Variants in THTPA observed in about 807,000 individuals in gnomAD.
THTPA encodes the protein thiamine-triphosphatase.
In THTPA, 16 loss-of-function variants were observed where a neutral mutation model predicts 16.5. That is an observed-to-expected ratio of 0.97 (90% confidence interval 0.66 to 1.47). The LOEUF (loss-of-function observed/expected upper bound fraction) is 1.47, where lower values mean the gene tolerates loss of function less well. Among genes scored for constraint, THTPA ranks in the 40% most tolerant of loss-of-function variants. THTPA has a pLI of 0.00. For synonymous variants in THTPA, 110 were observed against 115.5 expected (o/e 0.95, Z 0.30); for missense variants, 281 against 280.9 (o/e 1.00, Z 0.00).
the THTPA span, among the ~76,000 whole-genome samples, chr14:23,547,269 C>T: frequency 4.9e-4 from 75 of 152,326 alleles, no homozygotes; most frequent in Non-Finnish European, 1.0e-3. Flanking sequence ...ATGCTGCCTT[C>T]GTTGTATTAA....
At chr14:23,531,285 C>A in the THTPA span, 1 of 769,008 alleles carries the variant, frequency 1.3e-6, no homozygotes, top group Admixed American at 4.2e-5. Context: ...CTTCTTTGCC[C>A]CTCCACTCAA....
At chr14:23,534,196 T>G in the THTPA span, 1 of 1,483,856 alleles carries the variant, frequency 6.7e-7, no homozygotes. This position sits in a 1 kb window ranked among gnomAD's most constrained non-coding sequence, Gnocchi z 4.5. Context: ...TTCTTGCCCC[T>G]CAGGGAACCA....
At chr14:23,533,821 T>C in the THTPA span, 3 of 1,543,496 alleles carry the variant, frequency 1.9e-6, no homozygotes, top group Admixed American at 1.9e-5. The surrounding 1 kb of genome is among the most constrained non-coding windows in gnomAD (Gnocchi z 4.8). Context: ...GTAGCCACAG[T>C]TGTAGCTCTC....
the THTPA span, chr14:23,535,333 G>A: frequency 2.1e-5 from 31 of 1,450,802 alleles, no homozygotes; most frequent in South Asian, 3.5e-4. This position sits in a 1 kb window ranked among gnomAD's most constrained non-coding sequence, Gnocchi z 4.5. Flanking sequence ...CATGGTAGAC[G>A]GAGGAGTGCT....
chr14:23,527,282 G>A, the THTPA span, among the ~76,000 whole-genome samples: 2 of 152,198 alleles, frequency 1.3e-5, no homozygotes, highest in Non-Finnish European at 2.9e-5. Flanking sequence ...TGAAACAGAA[G>A]CCTCTGCCTC....
At position 23,559,234 on chromosome 14, in the gene THTPA, A is replaced by C; in HGVS notation, c.*394A>C. On this transcript the variant is annotated 3_prime_UTR_variant, in exon 2 of 2. Transcript: ENST00000288014. ...TACAGCTGAGTTAGAAGATGAGGAGAGGCAGCAGGGATTTCCCTGCCTTGG... is the reference window on the plus strand; with the variant it reads ...TACAGCTGAGTTAGAAGATGAGGAGCGGCAGCAGGGATTTCCCTGCCTTGG... The C allele has an allele frequency of 4.3e-6, 1 of 230,844 alleles. No individual in the cohort carries two copies. Among genetic ancestry groups the C allele is most frequent in the Non-Finnish European group, 8.7e-6 (1 of 115,352 alleles). 14.3% of individuals were successfully genotyped at this position (230,844 alleles called of 1,614,324 possible).
chr14:23,558,414 A>ATC (rs1942526751), intron 1 of THTPA, among the ~76,000 whole-genome samples: 1 of 152,230 alleles, frequency 6.6e-6, no homozygotes, highest in Admixed American at 6.5e-5. Context: ...TCCTTCGTTT[A>ATC]TCTTGGTGCC....
the THTPA span, chr14:23,523,477 A>G: frequency 6.5e-7 from 1 of 1,536,094 alleles, no homozygotes; most frequent in African/African-American, 1.4e-5. The surrounding 1 kb of genome is among the most constrained non-coding windows in gnomAD (Gnocchi z 4.1). Flanking sequence ...CATAGAAATC[A>G]TACTTGACAT....
the THTPA span, chr14:23,512,671 GA>G: frequency 2.0e-5 from 3 of 151,320 alleles, no homozygotes; most frequent in Non-Finnish European, 4.4e-5. Flanking sequence ...TATTCCCAAA[GA>G]AAAGAGTTTT....
chr14:23,524,184 T>C, the THTPA span: 1 of 1,535,892 alleles, frequency 6.5e-7, no homozygotes, highest in Non-Finnish European at 8.7e-7. The surrounding 1 kb of genome is among the most constrained non-coding windows in gnomAD (Gnocchi z 5.6). Context: ...CCCCCAGGGG[T>C]GCTTCGAAAC....
At chr14:23,526,152 C>T in the THTPA span, 2 of 1,536,354 alleles carry the variant, frequency 1.3e-6, no homozygotes, top group African/African-American at 1.4e-5. Flanking sequence ...ATGTGGATCT[C>T]CAGGGTGGAG....
chr14:23,539,175 G>A, the THTPA span, among the ~76,000 whole-genome samples: 23 of 152,196 alleles, frequency 1.5e-4, no homozygotes, highest in Admixed American at 1.5e-3. Flanking sequence ...AGATGAAGAT[G>A]GAGAGAAAGG....
At chr14:23,526,321 C>G in the THTPA span, 1 of 1,536,242 alleles carries the variant, frequency 6.5e-7, no homozygotes. Context: ...TATAATGAAC[C>G]AACAGAATAT....
At chr14:23,550,882 C>G in the THTPA span, among the ~76,000 whole-genome samples, 1 of 152,100 alleles carries the variant, frequency 6.6e-6, no homozygotes, top group Non-Finnish European at 1.5e-5. Context: ...GCGGTTCTCC[C>G]ATCCCACAGC....
At chr14:23,555,020 T>C (rs912312986), upstream of THTPA, among the ~76,000 whole-genome samples, 5 of 151,694 alleles carry the variant, frequency 3.3e-5, no homozygotes, top group Non-Finnish European at 5.9e-5. Context: ...TGGAGTCTCG[T>C]TCTGTCGCCC....
chr14:23,541,542 C>T, the THTPA span, among the ~76,000 whole-genome samples: 3 of 152,176 alleles, frequency 2.0e-5, no homozygotes, highest in Non-Finnish European at 4.4e-5. Flanking sequence ...CCACCTCGCC[C>T]TCCCAAAGTG....
At chr14:23,541,287 A>ATTT in the THTPA span, among the ~76,000 whole-genome samples, 1 of 130,074 alleles carries the variant, frequency 7.7e-6, no homozygotes, top group Non-Finnish European at 1.6e-5. Context: ...GATGGACAGG[A>ATTT]TTTTTTTTTT....
At chr14:23,537,261 C>A in the THTPA span, among the ~76,000 whole-genome samples, 2 of 151,942 alleles carry the variant, frequency 1.3e-5, no homozygotes, top group East Asian at 1.9e-4. Context: ...GAACCTCCCC[C>A]TCAAACTCAC....
the THTPA span, chr14:23,513,409 G>T: frequency 6.6e-6 from 1 of 152,646 alleles, no homozygotes; most frequent in Admixed American, 6.5e-5. Flanking sequence ...GTGTGTATGT[G>T]TGTGTGCGCG....
Sources: gnomAD v4.1 joint callset for allele counts (sites outside exome capture counted in the v4.1 genomes callset) on GRCh38, gnomAD v4.1.1 for gene constraint, Gnocchi (gnomAD v3.1) non-coding constraint, MANE v1.5 for transcripts, NCBI Gene and HGNC (gene_info 2026-07-23, HGNC 2026-07-21) for gene names.